SMAD7: variants seen among roughly 807,000 people sequenced by gnomAD.
SMAD7 encodes SMAD family member 7.
Under a neutral mutation model 38.7 loss-of-function variants are expected in SMAD7, and 8 were observed. The observed-to-expected ratio is 0.21, with a 90% CI of 0.12 to 0.37. The LOEUF (loss-of-function observed/expected upper bound fraction) is 0.37, where lower values mean the gene tolerates loss of function less well. Among genes scored for constraint, SMAD7 ranks in the 10% least tolerant of loss-of-function variants. SMAD7 has a pLI of 1.00. For missense variants in SMAD7, 477 were observed against 577.9 expected (o/e 0.83, Z 1.79); for synonymous variants, 327 against 265.1 (o/e 1.23, Z -2.27).
intron 1 of SMAD7, chr18:48,949,333 T>C: frequency 1.1e-6 from 1 of 948,146 alleles, no homozygotes; most frequent in African/African-American, 1.8e-5. Context: ...CCGTATTTAC[T>C]AAAGGAGTAA....
chr18:48,926,358 A>T (rs2069928652), intron 3 of SMAD7, among the ~76,000 whole-genome samples: 1 of 152,268 alleles, frequency 6.6e-6, no homozygotes, highest in Non-Finnish European at 1.5e-5. Context: ...GAGCTCCATC[A>T]GCTGATGACC....
chr18:48,935,155 A>C (rs532697671), intron 3 of SMAD7, among the ~76,000 whole-genome samples: 2 of 152,268 alleles, frequency 1.3e-5, no homozygotes, highest in African/African-American at 4.8e-5. Flanking sequence ...GAACCCACAG[A>C]GAGAAACAGA....
intron 1 of SMAD7, chr18:48,949,206 C>A: frequency 2.5e-6 from 2 of 791,622 alleles, no homozygotes; most frequent in Non-Finnish European, 3.1e-6. Context: ...CTGGGGCTGG[C>A]AGAGTTGAAA....
chr18:48,933,971 C>G (rs1460873786), intron 3 of SMAD7, among the ~76,000 whole-genome samples: 1 of 152,218 alleles, frequency 6.6e-6, no homozygotes, highest in African/African-American at 2.4e-5. Flanking sequence ...ACACACAGGT[C>G]TCTTTCTTTC....
chr18:48,941,354 A>G (rs1405354432), intron 3 of SMAD7, among the ~76,000 whole-genome samples: 2 of 152,208 alleles, frequency 1.3e-5, no homozygotes, highest in African/African-American at 4.8e-5. Flanking sequence ...ATGAAAACAA[A>G]CAAGGGTCTC....
intron 3 of SMAD7, among the ~76,000 whole-genome samples, chr18:48,936,453 C>G (rs1319993582): frequency 6.6e-6 from 1 of 152,220 alleles, no homozygotes; most frequent in African/African-American, 2.4e-5. Context: ...ACATTTTCAT[C>G]GTCCCAAAAG....
chr18:48,948,620 C>A (rs1168804553), intron 1 of SMAD7, 183 bp from the exon 2 acceptor site: 1 of 430,730 alleles, frequency 2.3e-6, no homozygotes, highest in South Asian at 3.4e-5. Context: ...GGCCGCCTGG[C>A]GCCAGCCTCG....
chr18:48,932,635 C>T (rs2070015971), intron 3 of SMAD7, among the ~76,000 whole-genome samples: 1 of 152,096 alleles, frequency 6.6e-6, no homozygotes, highest in African/African-American at 2.4e-5. Context: ...TCGGTTGGCC[C>T]CGGGGGAACA....
At chr18:48,923,233 G>C (rs2069885032) in intron 3 of SMAD7, among the ~76,000 whole-genome samples, 1 of 152,224 alleles carries the variant, frequency 6.6e-6, no homozygotes, top group South Asian at 2.1e-4. Flanking sequence ...TGGGGACCTG[G>C]GGGGCACAAA....
At chr18:48,947,302 C>T (rs747359563) in intron 2 of SMAD7, among the ~76,000 whole-genome samples, 1 of 152,142 alleles carries the variant, frequency 6.6e-6, no homozygotes, top group Non-Finnish European at 1.5e-5. Flanking sequence ...GTATGGGCTT[C>T]GGTTACACGT....
At chr18:48,926,593 C>A (rs556168600) in intron 3 of SMAD7, among the ~76,000 whole-genome samples, 2 of 152,356 alleles carry the variant, frequency 1.3e-5, no homozygotes, top group South Asian at 4.1e-4. Context: ...CCTGGGCAGG[C>A]ACGGCCGCCT....
intron 3 of SMAD7, among the ~76,000 whole-genome samples, chr18:48,935,979 G>A (rs1325506859): frequency 6.6e-6 from 1 of 151,900 alleles, no homozygotes; most frequent in East Asian, 1.9e-4. Context: ...GGATACTGAC[G>A]CATGAGAATG....
chr18:48,925,514 A>G (rs545565258), intron 3 of SMAD7, among the ~76,000 whole-genome samples: 10 of 152,080 alleles, frequency 6.6e-5, no homozygotes, highest in Non-Finnish European at 1.3e-4. Flanking sequence ...TTGAGAAAGG[A>G]GAGGACTTCA....
In SMAD7 at chr18:48,921,065, C is replaced by G. The variant is rs903965913; in HGVS notation, c.*307G>C. On this transcript the variant is annotated 3_prime_UTR_variant, in exon 4 of 4. Transcript: ENST00000262158. This position sits in a 1 kb window ranked among gnomAD's most constrained non-coding sequence, Gnocchi z 6.4. ...CTGACAAGTGAAATGATGACCGCCC[C>G]CCTTCATACACTGTGTTTGGTGGTG... 4 of 387,850 alleles carry G rather than the reference C, an allele frequency of 1.0e-5. No homozygotes were observed. The Admixed American group carries it at 1.7e-4, about 17-fold the overall frequency. 24.0% of individuals were successfully genotyped at this position (387,850 alleles called of 1,614,324 possible). A position where few individuals can be genotyped will look rare whatever the true frequency, so the allele number is the denominator to read the frequency against.
intron 3 of SMAD7, among the ~76,000 whole-genome samples, chr18:48,924,216 G>A (rs1214729789): frequency 5.9e-5 from 9 of 151,740 alleles, no homozygotes; most frequent in Admixed American, 3.3e-4. Flanking sequence ...GGAAGGAGGC[G>A]GGAGGGAGGG....
rs1364668222 is a variant in SMAD7, at chr18:48,920,355, T to C, written c.*1017A>G. Reference sequence around the variant, plus strand: ...AGAAGAGTTAGGTGTCAGCCTAGGATGGTACCTTGGGTTATGACGGACCAA... The same window carrying C: ...AGAAGAGTTAGGTGTCAGCCTAGGACGGTACCTTGGGTTATGACGGACCAA... On this transcript the variant is annotated 3_prime_UTR_variant, in exon 4 of 4. Coordinates refer to ENST00000262158, the MANE Select transcript of SMAD7 (RefSeq NM_005904.4). 1 of 152,656 alleles carries C rather than the reference T, an allele frequency of 6.6e-6. No homozygotes were observed. Among genetic ancestry groups the C allele is most frequent in the Non-Finnish European group, 1.5e-5 (1 of 68,046 alleles). 9.5% of individuals were successfully genotyped at this position (152,656 alleles called of 1,614,324 possible). A position where few individuals can be genotyped will look rare whatever the true frequency, so the allele number is the denominator to read the frequency against.
At chr18:48,932,299 G>T (rs1470595564) in intron 3 of SMAD7, among the ~76,000 whole-genome samples, 1 of 152,190 alleles carries the variant, frequency 6.6e-6, no homozygotes, top group East Asian at 1.9e-4. Context: ...CCCAGAAAAT[G>T]CAGACAGCTA....
chr18:48,926,272 A>G (rs1443421061), intron 3 of SMAD7, among the ~76,000 whole-genome samples: 1 of 152,180 alleles, frequency 6.6e-6, no homozygotes, highest in Admixed American at 6.5e-5. Flanking sequence ...CAAAGAACGT[A>G]CTTGTGGGGA....
intron 2 of SMAD7, among the ~76,000 whole-genome samples, chr18:48,946,178 A>T (rs992885942): frequency 6.6e-6 from 1 of 152,182 alleles, no homozygotes; most frequent in Admixed American, 6.5e-5. Flanking sequence ...TTAGTTGTGC[A>T]ACTGGTTAAG....
Sources: gnomAD v4.1 joint callset for allele counts (sites outside exome capture counted in the v4.1 genomes callset) on GRCh38, gnomAD v4.1.1 for gene constraint, Gnocchi (gnomAD v3.1) non-coding constraint, MANE v1.5 for transcripts, NCBI Gene and HGNC (gene_info 2026-07-23, HGNC 2026-07-21) for gene names.